The following CALM3 variants were observed in gnomAD, a reference collection of about 807,000 sequenced individuals.
The protein encoded by CALM3 is calmodulin 3.
In CALM3, 5 loss-of-function variants were observed where a neutral mutation model predicts 20.1. That is an observed-to-expected ratio of 0.25 (90% CI 0.13 to 0.52). The LOEUF (loss-of-function observed/expected upper bound fraction) is 0.52, where lower values mean the gene tolerates loss of function less well. Ranked by LOEUF, CALM3 falls within the 20% of genes least tolerant of loss-of-function variation. The pLI, the probability that CALM3 is intolerant of heterozygous loss-of-function variation, is 0.96. For missense variants in CALM3, 57 were observed against 192.8 expected, an observed-to-expected ratio of 0.30 and a Z score of 4.17; for synonymous variants, 69 against 68.1, an observed-to-expected ratio of 1.01 and a Z score of -0.06.
At chr19:46,602,189 G>A in intron 1 of CALM3, 1 of 1,354,776 alleles carries the variant, frequency 7.4e-7, no homozygotes, top group Non-Finnish European at 9.8e-7. Flanking sequence ...GATCAGGGTC[G>A]TGGAGGTGGT....
chr19:46,604,982 C>T (rs981008405), intron 1 of CALM3, among the ~76,000 whole-genome samples: 7 of 151,960 alleles, frequency 4.6e-5, no homozygotes, highest in Non-Finnish European at 1.5e-5. Flanking sequence ...CTCCTCCCCA[C>T]CCCCAAACCC....
rs1436657789 is a variant in CALM3, at chr19:46,609,401, G to C, written c.*248G>C. ...CGCCTCTTCCATCCATGTCTTCCAA[G>C]GCCTGATGCATTCATAAGTTGAAGC... On this transcript the variant is annotated 3_prime_UTR_variant, in exon 6 of 6. Transcript: ENST00000291295. 8.7e-6 allele frequency: 5 copies of C among 577,328 alleles called. No homozygotes were observed. In the African/African-American group the frequency reaches 9.4e-5, roughly 11 times the overall value. The allele number at this position is 577,328 out of a possible 1,614,324, so 35.8% of individuals were successfully genotyped here. A position where few individuals can be genotyped will look rare whatever the true frequency, so the allele number is the denominator to read the frequency against.
At chr19:46,607,355 G>A (rs1971763023) in intron 2 of CALM3, among the ~76,000 whole-genome samples, 1 of 152,092 alleles carries the variant, frequency 6.6e-6, no homozygotes, top group Non-Finnish European at 1.5e-5. Context: ...ACTGTCCACC[G>A]CCTCACCCCA....
Position 46,601,414 on chromosome 19 carries a change from C to T in CALM3, c.-21C>T. On this transcript the variant is annotated 5_prime_UTR_variant, in exon 1 of 6. Coordinates refer to ENST00000291295, the MANE Select transcript of CALM3 (RefSeq NM_005184.4). This position sits in a 1 kb window ranked among gnomAD's most constrained non-coding sequence, Gnocchi z 4.2. ...CCGGAGGAACCTTGATCCCCGTGCTCCGGACACCCCGGGCCTCGCCATGGT... is the reference window on the plus strand; with the variant it reads ...CCGGAGGAACCTTGATCCCCGTGCTTCGGACACCCCGGGCCTCGCCATGGT... 6.6e-7 allele frequency: 1 copy of T among 1,506,218 alleles called. No homozygotes were observed. Among genetic ancestry groups the T allele is most frequent in the Non-Finnish European group, 8.9e-7 (1 of 1,129,640 alleles). 93.3% of individuals were successfully genotyped at this position (1,506,218 alleles called of 1,614,324 possible). A position where few individuals can be genotyped will look rare whatever the true frequency, so the allele number is the denominator to read the frequency against.
chr19:46,605,959 C>A lies in CALM3; in HGVS notation c.34+102C>A. ...ACATCTGATGGGTGAACCTGTGTAT[C>A]CCTTGTGTCACCTAACACTATGCCT... On this transcript the variant is annotated intron_variant, in intron 2 of 5. Transcript: ENST00000291295. The surrounding 1 kb of genome is among the most constrained non-coding windows in gnomAD (Gnocchi z 4.1). The A allele has an allele frequency of 1.9e-6, 2 of 1,032,598 alleles. No homozygotes were observed. The highest frequency in any genetic ancestry group is 3.0e-6 in the Non-Finnish European group (2 of 658,104). 64.0% of individuals were successfully genotyped at this position (1,032,598 alleles called of 1,614,324 possible). A position where few individuals can be genotyped will look rare whatever the true frequency, so the allele number is the denominator to read the frequency against.
chr19:46,601,096 C>A (rs564098138), upstream of CALM3: 3 of 1,010,626 alleles, frequency 3.0e-6, no homozygotes, highest in Admixed American at 8.2e-5. The surrounding 1 kb of genome is among the most constrained non-coding windows in gnomAD (Gnocchi z 4.2). Flanking sequence ...AGTAGTCCGG[C>A]GACGGGAGCG....
At position 46,601,338 on chromosome 19, in the gene CALM3, T is replaced by G; in HGVS notation, c.-97T>G. ...CGGCGCGCGCTGCGGGCAGTGAGTG[T>G]GGAGGCGCGGACGCGCGGCGGAGCT... On this transcript the variant is annotated 5_prime_UTR_variant, in exon 1 of 6. Transcript: ENST00000291295. The surrounding 1 kb of genome is among the most constrained non-coding windows in gnomAD (Gnocchi z 4.2). The G allele has an allele frequency of 7.6e-7, 1 of 1,317,368 alleles. No homozygotes were observed. Among genetic ancestry groups the G allele is most frequent in the Non-Finnish European group, 1.0e-6 (1 of 985,064 alleles). 81.6% of individuals were successfully genotyped at this position (1,317,368 alleles called of 1,614,324 possible).
rs756928364 is a variant in CALM3 at position 46,608,155 on chromosome 19, G to A, written c.35-42G>A. 58 of 1,597,004 alleles carry A rather than the reference G, an allele frequency of 3.6e-5. No individual in the cohort carries two copies. Among genetic ancestry groups the A allele is most frequent in the Non-Finnish European group, 4.8e-5 (56 of 1,171,050 alleles). On this transcript the variant is annotated intron_variant, in intron 2 of 5. Transcript: ENST00000291295. The surrounding 1 kb of genome is among the most constrained non-coding windows in gnomAD (Gnocchi z 5.5). ...AGCATCCAGAGGTAAGGATTCTCCT[G>A]TGGACCTTGTGACCTCTGACTCCTC...
In CALM3 at chr19:46,608,569, C is replaced by T. The variant is rs756526606; in HGVS notation, c.266C>T (p.Ala89Val). Reference sequence around the variant, plus strand: ...GACAGTGAGGAGGAGATCCGAGAGGCGTTCCGTGTCTTTGACAAGGTAAGC... The same window carrying T: ...GACAGTGAGGAGGAGATCCGAGAGGTGTTCCGTGTCTTTGACAAGGTAAGC... ...DTDSEEEIREAFRVFDKDGNG... is the reference protein window; with the variant it reads ...DTDSEEEIREVFRVFDKDGNG... The change falls in exon 4 of 6, where the codon GCG (alanine) becomes GTG (valine). Residue 89 changes from alanine (A) to valine (V), a missense_variant. Transcript: ENST00000291295. This position sits in a 1 kb window ranked among gnomAD's most constrained non-coding sequence, Gnocchi z 5.5. 1 of 1,613,452 alleles carries T rather than the reference C, an allele frequency of 6.2e-7. No individual in the cohort carries two copies. The highest frequency in any genetic ancestry group is 1.1e-5 in the South Asian group (1 of 91,052).
In CALM3 at chr19:46,609,239, C is replaced by T; in HGVS notation, c.*86C>T. ...TCTCTCTTCAACACTCCCCTGCGTA[C>T]CCCGGTTCTAGCAAACACCAATTGA... On this transcript the variant is annotated 3_prime_UTR_variant, in exon 6 of 6. Coordinates refer to ENST00000291295, the MANE Select transcript of CALM3 (RefSeq NM_005184.4). The T allele has an allele frequency of 8.0e-7, 1 of 1,251,506 alleles. No individual in the cohort carries two copies. The highest frequency in any genetic ancestry group is 1.2e-6 in the Non-Finnish European group (1 of 868,030). The allele number at this position is 1,251,506 out of a possible 1,614,324, so 77.5% of individuals were successfully genotyped here. A position where few individuals can be genotyped will look rare whatever the true frequency, so the allele number is the denominator to read the frequency against.
intron 2 of CALM3, among the ~76,000 whole-genome samples, chr19:46,606,507 T>C (rs959403187): frequency 4.6e-5 from 7 of 152,224 alleles, no homozygotes; most frequent in Non-Finnish European, 1.0e-4. Context: ...TATTTTCTTA[T>C]GTCTTCACCT....
Position 46,608,827 on chromosome 19 carries a change from C to A in CALM3, c.286-19C>A. ...ACCGGGAGAAGTGCCCAGTGAAAGG[C>A]TTTATCCCCAACCCCCAGGATGGGA... On this transcript the variant is annotated intron_variant, in intron 4 of 5. Coordinates refer to ENST00000291295, the MANE Select transcript of CALM3 (RefSeq NM_005184.4). The surrounding 1 kb of genome is among the most constrained non-coding windows in gnomAD (Gnocchi z 5.5). The A allele has an allele frequency of 1.3e-6, 2 of 1,540,314 alleles. No homozygotes were observed. The highest frequency in any genetic ancestry group is 8.7e-7 in the Non-Finnish European group (1 of 1,145,798).
At position 46,609,946 on chromosome 19, in the gene CALM3, C is replaced by T. The variant is rs993008989; in HGVS notation, c.*793C>T. 7 of 152,766 alleles carry T rather than the reference C, an allele frequency of 4.6e-5. No individual in the cohort carries two copies. Among genetic ancestry groups the T allele is most frequent in the African/African-American group, 1.7e-4 (7 of 41,452 alleles). The allele number at this position is 152,766 out of a possible 1,614,324, so 9.5% of individuals were successfully genotyped here. A position where few individuals can be genotyped will look rare whatever the true frequency, so the allele number is the denominator to read the frequency against. On this transcript the variant is annotated 3_prime_UTR_variant, in exon 6 of 6. Transcript: ENST00000291295. Reference sequence around the variant, plus strand: ...TCTGTAAATACCTGGTGCTAACATCCCATGCCGCTCCCTCCTCACGATGCA... The same window carrying T: ...TCTGTAAATACCTGGTGCTAACATCTCATGCCGCTCCCTCCTCACGATGCA...
upstream of CALM3, chr19:46,601,188 G>A (rs528489574): frequency 9.2e-5 from 39 of 424,246 alleles, no homozygotes; most frequent in East Asian, 1.1e-3. This position sits in a 1 kb window ranked among gnomAD's most constrained non-coding sequence, Gnocchi z 4.2. Context: ...TGTGGAGCGG[G>A]GCGCGGAGGG....
intron 1 of CALM3, among the ~76,000 whole-genome samples, chr19:46,603,268 C>CCTT (rs1455639686): frequency 6.6e-6 from 1 of 152,238 alleles, no homozygotes; most frequent in Non-Finnish European, 1.5e-5. Flanking sequence ...TAAAAGGGGC[C>CCTT]CTGAAGCACT....
intron 1 of CALM3, among the ~76,000 whole-genome samples, chr19:46,603,892 C>G (rs1181229591): frequency 6.6e-6 from 1 of 152,188 alleles, no homozygotes; most frequent in Admixed American, 6.5e-5. Context: ...TTGGTGGAGA[C>G]TGGCAAACGG....
chr19:46,603,916 C>T (rs994827601), intron 1 of CALM3, among the ~76,000 whole-genome samples: 2 of 152,168 alleles, frequency 1.3e-5, no homozygotes, highest in Non-Finnish European at 2.9e-5. Flanking sequence ...CCTTCAGAGC[C>T]GCTCGGGGCA....
chr19:46,605,950 C>A lies in CALM3; in HGVS notation c.34+93C>A, dbSNP rs1971734074. 1.8e-6 allele frequency: 2 copies of A among 1,095,112 alleles called. No homozygotes were observed. The highest frequency in any genetic ancestry group is 1.4e-6 in the Non-Finnish European group (1 of 712,174). 67.8% of individuals were successfully genotyped at this position (1,095,112 alleles called of 1,614,324 possible). Reference sequence around the variant, plus strand: ...TGAGGAGTGACATCTGATGGGTGAACCTGTGTATCCCTTGTGTCACCTAAC... The same window carrying A: ...TGAGGAGTGACATCTGATGGGTGAAACTGTGTATCCCTTGTGTCACCTAAC... On this transcript the variant is annotated intron_variant, in intron 2 of 5. Coordinates refer to ENST00000291295, the MANE Select transcript of CALM3 (RefSeq NM_005184.4). The surrounding 1 kb of genome is among the most constrained non-coding windows in gnomAD (Gnocchi z 4.1).
intron 1 of CALM3, among the ~76,000 whole-genome samples, chr19:46,604,459 T>A (rs1841569014): frequency 6.6e-6 from 1 of 151,448 alleles, no homozygotes; most frequent in African/African-American, 2.4e-5. Flanking sequence ...TCTTTCCCCC[T>A]CCCTAAGCCC....
Sources: gnomAD v4.1 joint callset for allele counts (sites outside exome capture counted in the v4.1 genomes callset) on GRCh38, gnomAD v4.1.1 for gene constraint, Gnocchi (gnomAD v3.1) non-coding constraint, MANE v1.5 for transcripts, NCBI Gene and HGNC (gene_info 2026-07-23, HGNC 2026-07-21) for gene names.